Variants in RABGAP1L observed in about 807,000 individuals in gnomAD.
RABGAP1L encodes rab GTPase-activating protein 1-like.
RABGAP1L carries 63 observed loss-of-function variants against 137.7 expected under a neutral mutation model. That is an observed-to-expected ratio of 0.46 (90% CI 0.37 to 0.56). The LOEUF (loss-of-function observed/expected upper bound fraction) is 0.56, where lower values mean the gene tolerates loss of function less well. RABGAP1L is among the 20% of genes least tolerant of loss of function. RABGAP1L has a pLI of 0.00. For missense variants in RABGAP1L, 1,095 were observed against 1,244.0 expected (o/e 0.88, Z 1.80); for synonymous variants, 431 against 433.7 (o/e 0.99, Z 0.08).
Position 174,990,918 on chromosome 1 carries a change from T to TA in RABGAP1L, c.*918dup, listed in dbSNP as rs1416677538. The TA allele has an allele frequency of 6.6e-6, 1 of 152,208 alleles. No individual in the cohort carries two copies. The highest frequency in any genetic ancestry group is 2.4e-5 in the African/African-American group (1 of 41,458). 9.4% of individuals were successfully genotyped at this position (152,208 alleles called of 1,614,324 possible). A position where few individuals can be genotyped will look rare whatever the true frequency, so the allele number is the denominator to read the frequency against. On this transcript the variant is annotated 3_prime_UTR_variant, in exon 26 of 26. Transcript: ENST00000681986. ...GACAGAGTATTTCATTTAACGTTGA[T>TA]ATATACTTGCTAAGGAAACACTAAC...
intron 17 of RABGAP1L, among the ~76,000 whole-genome samples, chr1:174,727,410 T>C (rs1422862270): frequency 6.6e-6 from 1 of 152,190 alleles, no homozygotes; most frequent in African/African-American, 2.4e-5. Flanking sequence ...GGTTATAGGA[T>C]ATGGAACCTC....
chr1:174,435,962 G>A (rs374795932), intron 13 of RABGAP1L, among the ~76,000 whole-genome samples: 53 of 152,052 alleles, frequency 3.5e-4, no homozygotes, highest in East Asian at 2.5e-3. Context: ...AGCTTCATCC[G>A]TGTCCCTACA....
intron 13 of RABGAP1L, among the ~76,000 whole-genome samples, chr1:174,414,523 T>C (rs549272050): frequency 6.6e-6 from 1 of 152,242 alleles, no homozygotes; most frequent in East Asian, 1.9e-4. Context: ...TGTTCTTTCA[T>C]TGTACTTTAT....
At chr1:174,248,916 AC>A (rs1166764330) in intron 5 of RABGAP1L, among the ~76,000 whole-genome samples, 2 of 152,108 alleles carry the variant, frequency 1.3e-5, no homozygotes, top group African/African-American at 4.8e-5. Flanking sequence ...TATTTTTTTA[AC>A]CCTTCACATT....
chr1:174,849,877 CA>C, intron 19 of RABGAP1L: 2 of 574,868 alleles, frequency 3.5e-6, no homozygotes, highest in Non-Finnish European at 3.4e-6. Flanking sequence ...AAGTGATGGC[CA>C]AAAGGCAATC....
rs1384522833 is a variant in RABGAP1L, at chr1:174,830,487, T to C, written c.2340+18527T>C. ...GCCATGAGGTGTTATTTTTCTTTTT[T>C]TTCTTTTGAGGCAGAGTCTCACTCT... On this transcript the variant is annotated intron_variant, in intron 19 of 25. Transcript: ENST00000681986. Among the ~76,000 whole-genome samples the C allele has an allele frequency of 3.5e-4, 52 of 147,792 alleles. 3 individuals are homozygous for C. Among genetic ancestry groups the C allele is most frequent in the Non-Finnish European group, 7.5e-5 (5 of 66,522 alleles).
intron 19 of RABGAP1L, among the ~76,000 whole-genome samples, chr1:174,865,835 A>G (rs1050371088): frequency 1.3e-5 from 2 of 152,192 alleles, no homozygotes; most frequent in African/African-American, 4.8e-5. Context: ...CATTTCATCT[A>G]CAATTGACTA....
In RABGAP1L at chr1:174,930,229, C is replaced by T. The variant is rs940479346; in HGVS notation, c.2341-27228C>T. 1.8e-4 allele frequency among the ~76,000 whole-genome samples: 27 copies of T among 151,896 alleles called. 1 individual carries two copies. The highest frequency in any genetic ancestry group is 1.5e-3 in the Admixed American group (23 of 15,220). ...TGAGATGGGGACTCAGTTTGTTGAC[C>T]AGACTGGCCTTGAACTCCTGGCCTC... On this transcript the variant is annotated intron_variant, in intron 19 of 25. Coordinates refer to ENST00000681986, the MANE Select transcript of RABGAP1L (RefSeq NM_001366446.1).
intron 19 of RABGAP1L, among the ~76,000 whole-genome samples, chr1:174,937,963 A>G (rs182710470): frequency 6.6e-6 from 1 of 151,614 alleles, no homozygotes; most frequent in Non-Finnish European, 1.5e-5. Context: ...TGCCCGCCTC[A>G]GCCTCCCAAA....
At chr1:174,660,175 C>T (rs1286218430) in intron 14 of RABGAP1L, among the ~76,000 whole-genome samples, 1 of 152,172 alleles carries the variant, frequency 6.6e-6, no homozygotes, top group Non-Finnish European at 1.5e-5. Context: ...CTTGTTCGCT[C>T]TCCACCAGGG....
At chr1:174,921,587 G>C (rs1253115226) in intron 19 of RABGAP1L, among the ~76,000 whole-genome samples, 1 of 152,170 alleles carries the variant, frequency 6.6e-6, no homozygotes, top group Non-Finnish European at 1.5e-5. Context: ...TTTATTTTCT[G>C]CAAAGATCAA....
chr1:174,812,002 T>C, intron 19 of RABGAP1L, 42 bp downstream of exon 19: 3 of 1,516,200 alleles, frequency 2.0e-6, no homozygotes, highest in Non-Finnish European at 2.7e-6. Context: ...AAAATATGAG[T>C]GCAGAATAAT....
At chr1:174,692,925 T>C (rs1158423846) in intron 15 of RABGAP1L, among the ~76,000 whole-genome samples, 1 of 152,172 alleles carries the variant, frequency 6.6e-6, no homozygotes, top group Admixed American at 6.5e-5. Flanking sequence ...AGAGGTTGCC[T>C]GCTCAAAATC....
chr1:174,173,321 C>T (rs1040714220), intron 1 of RABGAP1L, among the ~76,000 whole-genome samples: 1 of 151,374 alleles, frequency 6.6e-6, no homozygotes, highest in Non-Finnish European at 1.5e-5. Flanking sequence ...GTAGAGATGG[C>T]GTTTCTCCAT....
At chr1:174,877,616 C>A in intron 19 of RABGAP1L, 1 of 1,608,600 alleles carries the variant, frequency 6.2e-7, no homozygotes, top group Middle Eastern at 2.0e-4. Flanking sequence ...GTAGGTGGTG[C>A]CTTGCACACT....
At chr1:174,516,120 T>TACACACACAC (rs61414923) in intron 13 of RABGAP1L, among the ~76,000 whole-genome samples, 2,633 of 133,258 alleles carry the variant, frequency 0.02, 58 homozygotes, top group East Asian at 0.043. Flanking sequence ...ACTGAAGCTC[T>TACACACACAC]ACACACACAC....
Position 174,221,149 on chromosome 1 carries a change from G to A in RABGAP1L, c.316G>A (p.Asp106Asn). The change falls in exon 3 of 26, where the codon GAT becomes AAT. Residue 106 changes from aspartate (D) to asparagine (N), a missense_variant. By Grantham distance (23) the Asp-to-Asn change is conservative. Around this residue, in one of 4 missense-constraint regions of RABGAP1L, gnomAD observed 356 missense variants for 326.3 expected, o/e 1.09. Transcript: ENST00000681986. Reference protein sequence around the residue: ...TNKPSLQLILDPSNTEISTPR... With the variant: ...TNKPSLQLILNPSNTEISTPR... Reference sequence around the variant, plus strand: ...TAAGCCATCTCTTCAGTTAATTTTGGATCCGTCTAACACAGGTACTGTATT... The same window carrying A: ...TAAGCCATCTCTTCAGTTAATTTTGAATCCGTCTAACACAGGTACTGTATT... 1 of 1,611,112 alleles carries A rather than the reference G, an allele frequency of 6.2e-7. No individual in the cohort carries two copies.
intron 13 of RABGAP1L, among the ~76,000 whole-genome samples, chr1:174,443,969 T>C (rs1369389082): frequency 6.6e-6 from 1 of 152,072 alleles, no homozygotes; most frequent in Non-Finnish European, 1.5e-5. Flanking sequence ...TTGGTGCCTT[T>C]CCTGAATTTA....
intron 18 of RABGAP1L, among the ~76,000 whole-genome samples, chr1:174,808,315 A>G (rs1195644279): frequency 6.6e-6 from 1 of 152,004 alleles, no homozygotes; most frequent in Non-Finnish European, 1.5e-5. Context: ...CGTAGCTGGC[A>G]TGGTGGCACA....
Sources: gnomAD v4.1 joint callset for allele counts (sites outside exome capture counted in the v4.1 genomes callset) on GRCh38, gnomAD v4.1.1 for gene constraint, gnomAD v4.1.1 regional missense constraint, MANE v1.5 for transcripts, NCBI Gene and HGNC (gene_info 2026-07-23, HGNC 2026-07-21) for gene names.